The following WWOX variants were observed in gnomAD, a reference collection of about 807,000 sequenced individuals.
WWOX encodes the protein WW domain-containing oxidoreductase.
In WWOX, 69 loss-of-function variants were observed where a neutral mutation model predicts 46.2. That is an observed-to-expected ratio of 1.49 (90% CI 1.23 to 1.82). The LOEUF (loss-of-function observed/expected upper bound fraction) is 1.82, where lower values mean the gene tolerates loss of function less well. Ranked by LOEUF, WWOX falls within the 40% of genes most tolerant of loss-of-function variation. WWOX has a pLI of 0.00. For missense variants in WWOX, 919 were observed against 542.6 expected (o/e 1.69, Z -6.89); for synonymous variants, 359 against 202.6 (o/e 1.77, Z -6.56).
intron 5 of WWOX, among the ~76,000 whole-genome samples, chr16:78,298,881 T>C (rs1458886395): frequency 1.3e-5 from 2 of 152,134 alleles, no homozygotes; most frequent in African/African-American, 2.4e-5. Context: ...CCCTGAGACA[T>C]AGTAAGGCCT....
chr16:78,543,412 A>G (rs1355336921), intron 8 of WWOX, among the ~76,000 whole-genome samples: 1 of 152,210 alleles, frequency 6.6e-6, no homozygotes, highest in African/African-American at 2.4e-5. Flanking sequence ...ACATACAGCG[A>G]GAAGGATTAA....
At chr16:78,239,637 C>G (rs2037565104) in intron 5 of WWOX, among the ~76,000 whole-genome samples, 1 of 152,146 alleles carries the variant, frequency 6.6e-6, no homozygotes, top group Non-Finnish European at 1.5e-5. Context: ...TGGGTTCAAG[C>G]AATTCTCCTG....
At chr16:79,166,682 C>A (rs2050601040) in intron 8 of WWOX, among the ~76,000 whole-genome samples, 1 of 152,204 alleles carries the variant, frequency 6.6e-6, no homozygotes, top group Non-Finnish European at 1.5e-5. Context: ...AACCAAGGCA[C>A]ATGGTGACTA....
At chr16:78,899,801 G>A (rs929541784) in intron 8 of WWOX, among the ~76,000 whole-genome samples, 11 of 152,182 alleles carry the variant, frequency 7.2e-5, no homozygotes, top group Non-Finnish European at 1.3e-4. Context: ...TTATATTTGT[G>A]TTGTAGCTTG....
At chr16:78,334,927 A>ATT (rs1567508546) in intron 5 of WWOX, among the ~76,000 whole-genome samples, 2 of 129,090 alleles carry the variant, frequency 1.5e-5, no homozygotes, top group African/African-American at 8.5e-5. Flanking sequence ...CTTTTTTTAA[A>ATT]AAAAAAAAAA....
At chr16:79,063,877 A>G (rs1051422954) in intron 8 of WWOX, among the ~76,000 whole-genome samples, 16 of 152,236 alleles carry the variant, frequency 1.1e-4, no homozygotes, top group Admixed American at 1.0e-3. Context: ...AATCAATTTT[A>G]AAGTAGGAAT....
At chr16:78,707,112 A>G (rs1045763158) in intron 8 of WWOX, among the ~76,000 whole-genome samples, 1 of 152,188 alleles carries the variant, frequency 6.6e-6, no homozygotes, top group Non-Finnish European at 1.5e-5. Flanking sequence ...GTTATCACAG[A>G]GCCTTCCTAT....
intron 8 of WWOX, among the ~76,000 whole-genome samples, chr16:78,887,176 G>T (rs543753063): frequency 6.7e-6 from 1 of 148,874 alleles, no homozygotes; most frequent in Non-Finnish European, 1.5e-5. Flanking sequence ...ATTTTCTCCC[G>T]TAAGTTAAAC....
rs1392246150 is a variant in WWOX at position 78,424,932 on chromosome 16, A to T, written c.668A>T (p.Asp223Val). 10 of 1,614,054 alleles carry T rather than the reference A, an allele frequency of 6.2e-6. No individual in the cohort carries two copies. Among genetic ancestry groups the T allele is most frequent in the South Asian group, 5.5e-5 (5 of 91,072 alleles). ...GCTCTACCCTGGAGTCTCACCAAAG[A>T]TGGCCTGGAGACCACCTTTCAAGTG... ...TFALPWSLTK[D>V]GLETTFQVNH... Residue 223 changes from aspartate (D) to valine (V), a missense_variant, in exon 7 of 9, where the codon GAT (aspartate) becomes GTT (valine). Transcript: ENST00000566780.
intron 8 of WWOX, among the ~76,000 whole-genome samples, chr16:79,133,927 T>G (rs749390039): frequency 8.2e-4 from 125 of 152,280 alleles, no homozygotes; most frequent in Non-Finnish European, 1.5e-3. Flanking sequence ...GAGATTAATA[T>G]AATACTCAGT....
intron 8 of WWOX, among the ~76,000 whole-genome samples, chr16:79,139,980 ACT>A (rs2050058163): frequency 1.3e-5 from 2 of 152,150 alleles, no homozygotes; most frequent in South Asian, 4.1e-4. Context: ...ATTGGTTCAA[ACT>A]CTGGCAGCCG....
chr16:78,373,042 T>TAA (rs2081731990), intron 5 of WWOX, among the ~76,000 whole-genome samples: 1 of 152,212 alleles, frequency 6.6e-6, no homozygotes. Flanking sequence ...CAATTGACTT[T>TAA]TTCAACTCTG....
At chr16:78,788,726 C>G (rs1421361164) in intron 8 of WWOX, among the ~76,000 whole-genome samples, 1 of 152,116 alleles carries the variant, frequency 6.6e-6, no homozygotes, top group Non-Finnish European at 1.5e-5. Flanking sequence ...TTAATCAAAC[C>G]CAAAGAGGGG....
chr16:78,343,639 T>C (rs58742511), intron 5 of WWOX, among the ~76,000 whole-genome samples: 2,412 of 120,628 alleles, frequency 0.02, 575 homozygotes, highest in African/African-American at 0.066. Flanking sequence ...ATGGACAGTA[T>C]TTTAGTATAT....
At chr16:78,738,927 C>T (rs2142408947) in intron 8 of WWOX, among the ~76,000 whole-genome samples, 1 of 152,284 alleles carries the variant, frequency 6.6e-6, no homozygotes, top group South Asian at 2.1e-4. Flanking sequence ...GCCTTCATTG[C>T]TGGGGTCCCC....
At chr16:79,007,146 C>G (rs761950893) in intron 8 of WWOX, among the ~76,000 whole-genome samples, 1 of 152,110 alleles carries the variant, frequency 6.6e-6, no homozygotes, top group African/African-American at 2.4e-5. Context: ...CTTGCACTTC[C>G]AAAACTTATG....
chr16:78,833,051 T>TC (rs1320368749), intron 8 of WWOX, among the ~76,000 whole-genome samples: 1 of 124,368 alleles, frequency 8.0e-6, no homozygotes, highest in Admixed American at 8.1e-5. Flanking sequence ...TTTTTTTTTT[T>TC]CCTTTCTTAA....
intron 8 of WWOX, among the ~76,000 whole-genome samples, chr16:79,087,011 TG>T (rs1354932521): frequency 2.0e-5 from 3 of 152,204 alleles, no homozygotes; most frequent in Admixed American, 1.3e-4. Context: ...GCCTAGGGAA[TG>T]GAGATACCTG....
chr16:78,606,002 C>A (rs1446293782), intron 8 of WWOX, among the ~76,000 whole-genome samples: 4 of 152,270 alleles, frequency 2.6e-5, no homozygotes, highest in African/African-American at 9.6e-5. Context: ...TGCAGCTTCT[C>A]GAATGCCTAT....
Sources: allele counts gnomAD v4.1 joint callset (sites outside exome capture counted in the v4.1 genomes callset), GRCh38; gene constraint gnomAD v4.1.1; transcripts MANE v1.5; gene names NCBI Gene and HGNC (gene_info 2026-07-23, HGNC 2026-07-21).